Variants in AUTS2 observed in about 807,000 individuals in gnomAD.
AUTS2 encodes the protein autism susceptibility gene 2 protein.
A neutral mutation model predicts 112.4 loss-of-function variants in AUTS2; 17 were observed. That is an observed-to-expected ratio of 0.15 (90% confidence interval 0.10 to 0.23). The LOEUF (loss-of-function observed/expected upper bound fraction) is 0.23. Ranked by LOEUF, AUTS2 falls within the 10% of genes least tolerant of loss-of-function variation. The pLI is 1.00. For synonymous variants in AUTS2, 751 were observed against 702.7 expected (o/e 1.07, Z -1.09); for missense variants, 1,510 against 1,701.6 (o/e 0.89, Z 1.98).
chr7:70,073,030 C>T (rs985325729), intron 2 of AUTS2, among the ~76,000 whole-genome samples: 10 of 132,284 alleles, frequency 7.6e-5, no homozygotes, highest in Admixed American at 2.2e-4. Context: ...CCCTCCCCTC[C>T]CCTCCCTTCC....
intron 5 of AUTS2, among the ~76,000 whole-genome samples, chr7:70,681,263 C>T (rs565222738): frequency 9.9e-5 from 15 of 152,268 alleles, no homozygotes; most frequent in South Asian, 6.2e-4. Flanking sequence ...AGAATCCACC[C>T]GGGCCTGGCG....
intron 4 of AUTS2, among the ~76,000 whole-genome samples, chr7:70,232,750 G>T (rs1161702712): frequency 6.6e-6 from 1 of 152,158 alleles, no homozygotes; most frequent in Non-Finnish European, 1.5e-5. Flanking sequence ...GTCATGACAA[G>T]AGTCATTATT....
intron 1 of AUTS2, among the ~76,000 whole-genome samples, chr7:69,664,626 G>A (rs1362945116): frequency 6.6e-6 from 1 of 152,114 alleles, no homozygotes; most frequent in Non-Finnish European, 1.5e-5. Flanking sequence ...AAAGTACCCT[G>A]TGTCTCATGC....
chr7:69,731,124 T>C (rs1326613859), intron 1 of AUTS2, among the ~76,000 whole-genome samples: 1 of 152,186 alleles, frequency 6.6e-6, no homozygotes. Context: ...AAACCCTGTC[T>C]GTATAAAAAA....
At chr7:69,937,193 A>G (rs1448765336) in intron 2 of AUTS2, among the ~76,000 whole-genome samples, 2 of 152,084 alleles carry the variant, frequency 1.3e-5, no homozygotes, top group Non-Finnish European at 2.9e-5. Flanking sequence ...ATCATATGTT[A>G]TTTCTCATCT....
intron 2 of AUTS2, among the ~76,000 whole-genome samples, chr7:69,941,619 A>C (rs1584472985): frequency 6.8e-6 from 1 of 146,520 alleles, no homozygotes; most frequent in African/African-American, 2.5e-5. Context: ...GTGCCTGTGG[A>C]GTTTATATTT....
chr7:69,676,050 A>G (rs754731439), intron 1 of AUTS2, among the ~76,000 whole-genome samples: 1 of 152,198 alleles, frequency 6.6e-6, no homozygotes, highest in Non-Finnish European at 1.5e-5. Context: ...CTTGGATCCC[A>G]GTCTGTGCAT....
chr7:70,747,988 A>ATTTTTT (rs770222247), intron 6 of AUTS2, among the ~76,000 whole-genome samples: 15 of 108,510 alleles, frequency 1.4e-4, no homozygotes, highest in African/African-American at 4.7e-4. Context: ...CGCCCAGCCA[A>ATTTTTT]TTTTTTTTTT....
chr7:70,340,045 A>G (rs1399923396), intron 4 of AUTS2, among the ~76,000 whole-genome samples: 2 of 152,110 alleles, frequency 1.3e-5, no homozygotes, highest in Non-Finnish European at 2.9e-5. Flanking sequence ...AATACCAAGC[A>G]AATTACCTTA....
chr7:70,473,361 C>T (rs773641841), intron 5 of AUTS2, among the ~76,000 whole-genome samples: 1 of 152,140 alleles, frequency 6.6e-6, no homozygotes, highest in Non-Finnish European at 1.5e-5. Flanking sequence ...GCAAATCCCT[C>T]CTCTGTTTAT....
chr7:70,023,274 T>C (rs1800364946), intron 2 of AUTS2, among the ~76,000 whole-genome samples: 1 of 152,354 alleles, frequency 6.6e-6, no homozygotes, highest in Admixed American at 6.5e-5. Flanking sequence ...AGTGAGATCA[T>C]TAACAACTTT....
chr7:70,690,132 T>G (rs1585512261), intron 5 of AUTS2, among the ~76,000 whole-genome samples: 1 of 151,916 alleles, frequency 6.6e-6, no homozygotes, highest in African/African-American at 2.4e-5. Flanking sequence ...GCAGGGAGAG[T>G]GAAGAGATTT....
intron 4 of AUTS2, among the ~76,000 whole-genome samples, chr7:70,158,085 A>T (rs1200945742): frequency 6.6e-6 from 1 of 152,098 alleles, no homozygotes; most frequent in Non-Finnish European, 1.5e-5. Context: ...ATTTGGAAAG[A>T]CCCAAAGTGT....
intron 18 of AUTS2, 38 bp from the exon 19 acceptor site, chr7:70,789,710 A>C: frequency 6.3e-7 from 1 of 1,585,496 alleles, no homozygotes; most frequent in South Asian, 1.2e-5. Flanking sequence ...CGCCCCTTTC[A>C]TTTCATCTGC....
chr7:70,029,147 T>C (rs1304766626), intron 2 of AUTS2, among the ~76,000 whole-genome samples: 1 of 152,090 alleles, frequency 6.6e-6, no homozygotes, highest in Non-Finnish European at 1.5e-5. Context: ...TTTTCTCAAC[T>C]GTAAAATGGA....
At chr7:70,778,128 G>C (rs891969673) in intron 14 of AUTS2, among the ~76,000 whole-genome samples, 7 of 152,138 alleles carry the variant, frequency 4.6e-5, no homozygotes, top group Non-Finnish European at 8.8e-5. Context: ...TGTTCTGCTA[G>C]AGCCTTTATG....
chr7:70,365,091 GA>G (rs1408519038), intron 4 of AUTS2, among the ~76,000 whole-genome samples: 2 of 152,048 alleles, frequency 1.3e-5, no homozygotes, highest in African/African-American at 2.4e-5. Flanking sequence ...AATTAACTGT[GA>G]AAAAAATTCT....
At chr7:70,045,784 C>CTTTTTTTT (rs746154629) in intron 2 of AUTS2, among the ~76,000 whole-genome samples, 1 of 126,796 alleles carries the variant, frequency 7.9e-6, no homozygotes, top group Non-Finnish European at 1.7e-5. Flanking sequence ...AATTTTCTAC[C>CTTTTTTTT]TTTTTTTTTT....
chr7:69,701,580 C>T (rs373711856), intron 1 of AUTS2, among the ~76,000 whole-genome samples: 15 of 152,052 alleles, frequency 9.9e-5, no homozygotes, highest in African/African-American at 2.4e-4. Context: ...ACTGGGGTGA[C>T]GAGGACATGC....
Sources: allele counts gnomAD v4.1 joint callset (sites outside exome capture counted in the v4.1 genomes callset), GRCh38; gene constraint gnomAD v4.1.1; transcripts MANE v1.5; gene names NCBI Gene and HGNC (gene_info 2026-07-23, HGNC 2026-07-21).